IL1RAPL2: variants seen among roughly 807,000 people sequenced by gnomAD.
IL1RAPL2 encodes the protein interleukin 1 receptor accessory protein like 2, also known as X-linked interleukin-1 receptor accessory protein-like 2.
IL1RAPL2 carries 3 observed loss-of-function variants against 44.1 expected under a neutral mutation model. The ratio of observed to expected loss-of-function variants is 0.07; its 90% confidence interval spans 0.03 to 0.18. The LOEUF is 0.18. Ranked by LOEUF, IL1RAPL2 falls within the 10% of genes least tolerant of loss-of-function variation. The pLI is 1.00. For synonymous variants in IL1RAPL2, 181 were observed against 178.8 expected (o/e 1.01, Z -0.10); for missense variants, 391 against 496.4 (o/e 0.79, Z 2.02).
intron 2 of IL1RAPL2, among the ~76,000 whole-genome samples, chrX:105,027,863 G>A (rs1008481295): frequency 1.8e-5 from 2 of 111,592 alleles, no homozygotes; most frequent in Admixed American, 1.9e-4. Flanking sequence ...GTATATTGAA[G>A]AGATATCTGC....
At chrX:104,658,762 A>C in intron 1 of IL1RAPL2, 133 bp from the exon 2 acceptor site, 1 of 445,853 alleles carries the variant, frequency 2.2e-6, no homozygotes, top group Non-Finnish European at 3.9e-6. Flanking sequence ...TATTTGCAAA[A>C]AATAAAGCCA....
intron 1 of IL1RAPL2, among the ~76,000 whole-genome samples, chrX:104,602,837 A>C (rs1325654362): frequency 1.8e-5 from 2 of 111,576 alleles, no homozygotes; most frequent in Non-Finnish European, 3.8e-5. Context: ...TCAGGGACTT[A>C]TAGATAAAAT....
intron 4 of IL1RAPL2, among the ~76,000 whole-genome samples, chrX:105,258,399 T>C (rs985017971): frequency 5.4e-5 from 6 of 111,768 alleles, no homozygotes; most frequent in Non-Finnish European, 1.1e-4. Context: ...AATCTGACAA[T>C]TATGTATCTT....
chrX:104,667,832 T>A (rs1389356310), intron 2 of IL1RAPL2, among the ~76,000 whole-genome samples: 1 of 111,528 alleles, frequency 9.0e-6, no homozygotes, highest in East Asian at 2.8e-4. Flanking sequence ...TATTTACAAC[T>A]CTTATAAAAG....
intron 6 of IL1RAPL2, among the ~76,000 whole-genome samples, chrX:105,513,109 T>C (rs1307867185): frequency 9.0e-6 from 1 of 111,587 alleles, no homozygotes; most frequent in Non-Finnish European, 1.9e-5. Context: ...CATCCTTTTT[T>C]ATGGCTGCAT....
intron 2 of IL1RAPL2, among the ~76,000 whole-genome samples, chrX:104,970,589 A>G (rs1336672431): frequency 8.9e-6 from 1 of 111,789 alleles, no homozygotes; most frequent in Non-Finnish European, 1.9e-5. Context: ...ATTGTCATGG[A>G]AAGGGGCGCT....
intron 2 of IL1RAPL2, among the ~76,000 whole-genome samples, chrX:104,747,872 A>C (rs1199092359): frequency 8.9e-6 from 1 of 111,802 alleles, no homozygotes; most frequent in Non-Finnish European, 1.9e-5. Flanking sequence ...TTTAATTATC[A>C]TTGAGTGCAA....
At chrX:105,694,061 T>C (rs1002564994) in intron 6 of IL1RAPL2, among the ~76,000 whole-genome samples, 9 of 112,018 alleles carry the variant, frequency 8.0e-5, no homozygotes, top group African/African-American at 2.6e-4. Flanking sequence ...AGGAAACTAA[T>C]ACACATGGCA....
chrX:105,305,820 G>T (rs1208346421), intron 5 of IL1RAPL2, among the ~76,000 whole-genome samples: 3 of 111,799 alleles, frequency 2.7e-5, no homozygotes, highest in African/African-American at 9.7e-5. Flanking sequence ...TGGTGGACCT[G>T]TAAGGGACAT....
At chrX:105,304,826 G>A in intron 5 of IL1RAPL2, among the ~76,000 whole-genome samples, 1 of 112,060 alleles carries the variant, frequency 8.9e-6, no homozygotes, top group East Asian at 2.8e-4. Flanking sequence ...GTGTTAGTCT[G>A]TTGTTACACT....
At chrX:104,628,728 G>A (rs982696487) in intron 1 of IL1RAPL2, among the ~76,000 whole-genome samples, 2 of 111,836 alleles carry the variant, frequency 1.8e-5, no homozygotes, top group Admixed American at 1.9e-4. Flanking sequence ...GTTTTCCACA[G>A]TGGCTGTAGT....
intron 5 of IL1RAPL2, among the ~76,000 whole-genome samples, chrX:105,395,443 G>T (rs1462554292): frequency 9.1e-6 from 1 of 110,174 alleles, no homozygotes; most frequent in Non-Finnish European, 1.9e-5. Flanking sequence ...GCTGAGAAGA[G>T]TATAATGAGG....
chrX:104,611,919 G>C (rs1929171488), intron 1 of IL1RAPL2, among the ~76,000 whole-genome samples: 1 of 109,175 alleles, frequency 9.2e-6, no homozygotes, highest in African/African-American at 3.3e-5. Context: ...GACCCATTGA[G>C]CCAGGCACCA....
chrX:104,620,269 C>T lies in IL1RAPL2; in HGVS notation c.-19-38626C>T, dbSNP rs764634059. ...ACAGGTGCACCAAAATCTCAGACACCCCCACTATAGAACTTCTCCATGTAA... is the reference window on the plus strand; with the variant it reads ...ACAGGTGCACCAAAATCTCAGACACTCCCACTATAGAACTTCTCCATGTAA... On this transcript the variant is annotated intron_variant, in intron 1 of 10. Transcript: ENST00000372582. Among the ~76,000 whole-genome samples the T allele has an allele frequency of 1.5e-4, 17 of 110,217 alleles. No individual in the cohort carries two copies. The South Asian group carries it at 6.3e-3, about 41-fold the overall frequency.
chrX:104,760,602 A>G (rs1932410760), intron 2 of IL1RAPL2, among the ~76,000 whole-genome samples: 1 of 111,935 alleles, frequency 8.9e-6, no homozygotes. Context: ...TGTCTATTCA[A>G]ATATTTTACC....
At chrX:104,933,460 A>G (rs182654440) in intron 2 of IL1RAPL2, among the ~76,000 whole-genome samples, 1 of 111,166 alleles carries the variant, frequency 9.0e-6, no homozygotes, top group African/African-American at 3.3e-5. Context: ...TTTTTTCTCT[A>G]TATATGCTTG....
chrX:105,740,765 CTTTAT>C (rs942872202), intron 8 of IL1RAPL2, 74 bp downstream of exon 8: 2 of 992,047 alleles, frequency 2.0e-6, no homozygotes, highest in African/African-American at 1.9e-5. Flanking sequence ...TATTTCCTGG[CTTTAT>C]TTTATCATGT....
At chrX:104,567,839 C>T (rs1928069553) in intron 1 of IL1RAPL2, among the ~76,000 whole-genome samples, 1 of 112,240 alleles carries the variant, frequency 8.9e-6, no homozygotes, top group African/African-American at 3.2e-5. Flanking sequence ...CTGTCACCAT[C>T]AGACGTTTAA....
chrX:105,360,967 A>C (rs1478135432), intron 5 of IL1RAPL2, among the ~76,000 whole-genome samples: 3 of 111,537 alleles, frequency 2.7e-5, no homozygotes, highest in Non-Finnish European at 5.7e-5. Context: ...TATCTATAGC[A>C]GTTCCATATA....
Sources: gnomAD v4.1 joint callset for allele counts (sites outside exome capture counted in the v4.1 genomes callset) on GRCh38, gnomAD v4.1.1 for gene constraint, MANE v1.5 for transcripts, NCBI Gene and HGNC (gene_info 2026-07-23, HGNC 2026-07-21) for gene names.